PPP1R12A: variants seen among roughly 807,000 people sequenced by gnomAD.
PPP1R12A encodes myosin binding subunit.
Under a neutral mutation model 139.6 loss-of-function variants are expected in PPP1R12A, and 19 were observed. The ratio of observed to expected loss-of-function variants is 0.14; its 90% CI spans 0.09 to 0.20. The LOEUF is 0.20. PPP1R12A is among the 10% of genes least tolerant of loss of function. The pLI is 1.00. For synonymous variants in PPP1R12A, 427 were observed against 420.6 expected, an observed-to-expected ratio of 1.02 and a Z score of -0.19; for missense variants, 925 against 1,211.5, an observed-to-expected ratio of 0.76 and a Z score of 3.51.
chr12:79,881,809 G>C (rs972107251), intron 1 of PPP1R12A, among the ~76,000 whole-genome samples: 1 of 152,154 alleles, frequency 6.6e-6, no homozygotes, highest in African/African-American at 2.4e-5. Flanking sequence ...TCTCTTTTCA[G>C]GGGCTAATGC....
chr12:79,901,458 T>TA (rs1007370756), intron 1 of PPP1R12A, among the ~76,000 whole-genome samples: 3 of 151,546 alleles, frequency 2.0e-5, no homozygotes, highest in African/African-American at 7.3e-5. Context: ...TCTCTGGAGG[T>TA]AAAAAAGTAA....
intron 14 of PPP1R12A, among the ~76,000 whole-genome samples, chr12:79,801,112 G>A (rs1413225129): frequency 3.3e-5 from 5 of 150,968 alleles, no homozygotes; most frequent in African/African-American, 7.3e-5. Context: ...TTGGGAGGCC[G>A]AGGCAGGCGG....
chr12:79,790,046 C>T (rs1871632156), intron 20 of PPP1R12A, among the ~76,000 whole-genome samples: 1 of 151,898 alleles, frequency 6.6e-6, no homozygotes, highest in South Asian at 2.1e-4. Flanking sequence ...CTCAGCCTCC[C>T]CAAGTGCTAG....
chr12:79,845,449 C>A, intron 2 of PPP1R12A, 29 bp from the exon 3 acceptor site: 3 of 1,473,096 alleles, frequency 2.0e-6, no homozygotes, highest in Non-Finnish European at 2.8e-6. Flanking sequence ...AATAGTTAAG[C>A]AAAAGATATT....
chr12:79,814,576 A>G (rs1875065778), intron 9 of PPP1R12A, among the ~76,000 whole-genome samples: 1 of 150,438 alleles, frequency 6.6e-6, no homozygotes, highest in African/African-American at 2.4e-5. Context: ...AGCACTTTGC[A>G]AGGCCGAGAC....
At chr12:79,856,228 G>A (rs1880637929) in intron 2 of PPP1R12A, among the ~76,000 whole-genome samples, 1 of 152,044 alleles carries the variant, frequency 6.6e-6, no homozygotes, top group African/African-American at 2.4e-5. Flanking sequence ...AATCCTTTAC[G>A]TTGTAACCCC....
At chr12:79,925,864 A>G (rs142006867) in intron 1 of PPP1R12A, among the ~76,000 whole-genome samples, 113 of 152,374 alleles carry the variant, frequency 7.4e-4, no homozygotes, top group African/African-American at 2.6e-3. Flanking sequence ...TATCAGTAAA[A>G]TAACAGAAAA....
At chr12:79,913,434 ACT>A (rs746716331) in intron 1 of PPP1R12A, among the ~76,000 whole-genome samples, 5 of 151,978 alleles carry the variant, frequency 3.3e-5, no homozygotes, top group Non-Finnish European at 5.9e-5. Context: ...GGTTGACAAG[ACT>A]CTCTTTTCCC....
At chr12:79,904,914 C>T (rs780505765) in intron 1 of PPP1R12A, among the ~76,000 whole-genome samples, 5 of 152,014 alleles carry the variant, frequency 3.3e-5, no homozygotes, top group East Asian at 1.9e-4. Flanking sequence ...CATGTTCACT[C>T]GGAAAAGAAT....
intron 1 of PPP1R12A, among the ~76,000 whole-genome samples, chr12:79,892,728 G>A (rs1195710035): frequency 6.6e-6 from 1 of 151,646 alleles, no homozygotes; most frequent in African/African-American, 2.4e-5. Flanking sequence ...GAGCCCTTCT[G>A]AGAGTAAAGT....
In PPP1R12A at chr12:79,870,945, C is replaced by T. The variant is rs1361887525; in HGVS notation, c.368+1863G>A. Among the ~76,000 whole-genome samples, 3 of 152,310 alleles carry T rather than the reference C, an allele frequency of 2.0e-5. No individual in the cohort carries two copies. The East Asian group carries it at 5.8e-4, about 29-fold the overall frequency. On this transcript the variant is annotated intron_variant, in intron 2 of 24. Coordinates refer to ENST00000450142, the MANE Select transcript of PPP1R12A (RefSeq NM_002480.3). ...AGGGCTCTCTGGGAAAGGTTTTCCT[C>T]TTTGATGTACACAGAATACAGGGAG...
chr12:79,912,348 GCTCCCAGTATTA>G lies in PPP1R12A; in HGVS notation c.237+22335_237+22346del, dbSNP rs1886640574. Among the ~76,000 whole-genome samples, 3 of 152,016 alleles carry G rather than the reference GCTCCCAGTATTA, an allele frequency of 2.0e-5. No homozygotes were observed. In the South Asian group the frequency reaches 6.2e-4, roughly 32 times the overall value. ...GTTTTGCTAATCTCTGTATTCCTTA[GCTCCCAGTATTA>G]TGACCGGCACACACAAGGCAGGCAA... On this transcript the variant is annotated intron_variant, in intron 1 of 24. Transcript: ENST00000450142.
chr12:79,826,011 C>T (rs1876711660), intron 5 of PPP1R12A, among the ~76,000 whole-genome samples: 1 of 151,580 alleles, frequency 6.6e-6, no homozygotes. Context: ...TTATGTAGCT[C>T]CTCACTATAA....
rs370070552 is a variant in PPP1R12A, at chr12:79,795,684, G to C, written c.2537C>G (p.Pro846Arg). 14 of 1,611,630 alleles carry C rather than the reference G, an allele frequency of 8.7e-6. No homozygotes were observed. The highest frequency in any genetic ancestry group is 3.3e-4 in the Middle Eastern group (2 of 6,082). The change falls in exon 18 of 25, where the codon CCA becomes CGA. Residue 846 changes from proline to arginine, a missense_variant. Pro to Arg is a moderately radical substitution (Grantham distance 103, BLOSUM62 -2). Coordinates refer to ENST00000450142, the MANE Select transcript of PPP1R12A (RefSeq NM_002480.3). ...TCCTGTAGATCTTCTTTTCTCTCTT[G>C]GTCGTCGTCGTTCTCTGATTGATTT... is the stretch of plus-strand genomic sequence containing the variant. ...QPKSIRERRRPREKRRSTGVS... is the reference protein window; with the variant it reads ...QPKSIRERRRRREKRRSTGVS...
chr12:79,886,847 T>C (rs1471893569), intron 1 of PPP1R12A, among the ~76,000 whole-genome samples: 1 of 152,212 alleles, frequency 6.6e-6, no homozygotes, highest in Non-Finnish European at 1.5e-5. Context: ...ATGCTCTTTA[T>C]CTATTCTTGT....
intron 3 of PPP1R12A, among the ~76,000 whole-genome samples, chr12:79,841,051 T>TAAA (rs777684899): frequency 1.5e-5 from 2 of 131,456 alleles, no homozygotes; most frequent in Admixed American, 7.7e-5. Context: ...CCTTTTTATT[T>TAAA]AAAAAAAAAA....
rs1426362011 is a variant in PPP1R12A, at chr12:79,871,985, C to T, written c.368+823G>A. ...TCGGGTAATTCAGACCTTATCGTTC[C>T]CAGGCCGGAGCACTTTTCATTTCAC... On this transcript the variant is annotated intron_variant, in intron 2 of 24. Coordinates refer to ENST00000450142, the MANE Select transcript of PPP1R12A (RefSeq NM_002480.3). Among the ~76,000 whole-genome samples, 9 of 152,220 alleles carry T rather than the reference C, an allele frequency of 5.9e-5. No individual in the cohort carries two copies. In the East Asian group the frequency reaches 1.7e-3, roughly 29 times the overall value.
At chr12:79,929,540 C>A (rs887557651) in intron 1 of PPP1R12A, among the ~76,000 whole-genome samples, 1 of 151,944 alleles carries the variant, frequency 6.6e-6, no homozygotes, top group Non-Finnish European at 1.5e-5. Flanking sequence ...CCAAGACGGG[C>A]GGATCACTTG....
rs1169398735 is a variant in PPP1R12A at position 79,822,106 on chromosome 12, T to C, written c.867+10A>G. 9 of 1,505,198 alleles carry C rather than the reference T, an allele frequency of 6.0e-6. No homozygotes were observed. The highest frequency in any genetic ancestry group is 1.4e-5 in the African/African-American group (1 of 72,520). 93.2% of individuals were successfully genotyped at this position (1,505,198 alleles called of 1,614,324 possible). On this transcript the variant is annotated intron_variant, in intron 6 of 24. Coordinates refer to ENST00000450142, the MANE Select transcript of PPP1R12A (RefSeq NM_002480.3). ...AAGTAATATAGGCAATTATTAGTCA[T>C]CAAACATACCAGATTTTGTTTCTTT...
Sources: gnomAD v4.1 joint callset for allele counts (sites outside exome capture counted in the v4.1 genomes callset) on GRCh38, gnomAD v4.1.1 for gene constraint, MANE v1.5 for transcripts, NCBI Gene and HGNC (gene_info 2026-07-23, HGNC 2026-07-21) for gene names.